INPP4B: variants seen among roughly 807,000 people sequenced by gnomAD.
INPP4B encodes the protein inositol polyphosphate 4-phosphatase type II.
In INPP4B, 55 loss-of-function variants were observed where a neutral mutation model predicts 122.5. That is an observed-to-expected ratio of 0.45 (90% CI 0.36 to 0.56). The LOEUF is 0.56. Ranked by LOEUF, INPP4B falls within the 20% of genes least tolerant of loss-of-function variation. The pLI is 0.00. For missense variants in INPP4B, 1,000 were observed against 1,097.7 expected (o/e 0.91, Z 1.26); for synonymous variants, 403 against 388.7 (o/e 1.04, Z -0.43).
chr4:142,295,604 T>C (rs1474237511), intron 9 of INPP4B, among the ~76,000 whole-genome samples: 1 of 152,214 alleles, frequency 6.6e-6, no homozygotes, highest in East Asian at 1.9e-4. Context: ...AAGTATTCCA[T>C]GATGAAAGCT....
At chr4:142,172,417 C>A (rs552304653) in intron 16 of INPP4B, among the ~76,000 whole-genome samples, 1 of 152,028 alleles carries the variant, frequency 6.6e-6, no homozygotes, top group East Asian at 1.9e-4. Context: ...AAGCCCCTTG[C>A]CCTATTTGAC....
intron 1 of INPP4B, among the ~76,000 whole-genome samples, chr4:142,790,372 AAAAC>A (rs1252563929): frequency 1.3e-5 from 2 of 152,174 alleles, no homozygotes; most frequent in Admixed American, 6.6e-5. Context: ...AGCAAGAAAA[AAAAC>A]AAACAATCCC....
At chr4:142,193,849 C>A (rs979774950) in intron 14 of INPP4B, among the ~76,000 whole-genome samples, 10 of 151,990 alleles carry the variant, frequency 6.6e-5, no homozygotes, top group African/African-American at 2.4e-4. Context: ...AAACTTAATC[C>A]TTTGATCTTG....
At chr4:142,616,265 T>C (rs1176887932) in intron 2 of INPP4B, among the ~76,000 whole-genome samples, 2 of 152,154 alleles carry the variant, frequency 1.3e-5, no homozygotes, top group East Asian at 3.9e-4. Flanking sequence ...CTTTCCCAGT[T>C]ATTTGATGAG....
intron 15 of INPP4B, among the ~76,000 whole-genome samples, chr4:142,189,463 GA>G (rs1343675303): frequency 2.6e-5 from 4 of 152,000 alleles, no homozygotes; most frequent in East Asian, 1.9e-4. Flanking sequence ...CGGCATACAA[GA>G]AAAAAACCTA....
At chr4:142,826,498 A>G (rs984920122) in intron 1 of INPP4B, among the ~76,000 whole-genome samples, 1 of 116,010 alleles carries the variant, frequency 8.6e-6, no homozygotes, top group African/African-American at 3.9e-5. Context: ...TCATAAAATC[A>G]CACACACACA....
intron 15 of INPP4B, among the ~76,000 whole-genome samples, chr4:142,188,205 TGGTC>T (rs1235344574): frequency 6.6e-6 from 1 of 151,920 alleles, no homozygotes. Context: ...ATATATGGCT[TGGTC>T]GGGCACATTG....
At chr4:142,357,907 T>A (rs1179082697) in intron 7 of INPP4B, among the ~76,000 whole-genome samples, 1 of 152,032 alleles carries the variant, frequency 6.6e-6, no homozygotes, top group Non-Finnish European at 1.5e-5. Flanking sequence ...ACAGTTGATA[T>A]TTTTTGAATT....
At chr4:142,166,542 G>A (rs955771916) in intron 16 of INPP4B, among the ~76,000 whole-genome samples, 1 of 151,758 alleles carries the variant, frequency 6.6e-6, no homozygotes, top group Admixed American at 6.6e-5. Context: ...TAACAAATGG[G>A]ATCTAATTAT....
chr4:142,591,740 T>C (rs1737550668), intron 2 of INPP4B, among the ~76,000 whole-genome samples: 1 of 152,216 alleles, frequency 6.6e-6, no homozygotes, highest in South Asian at 2.1e-4. Context: ...CTCGATATGA[T>C]GTTGATGAGA....
chr4:142,311,959 C>T (rs1765662436), intron 8 of INPP4B, among the ~76,000 whole-genome samples: 1 of 151,994 alleles, frequency 6.6e-6, no homozygotes, highest in Non-Finnish European at 1.5e-5. Flanking sequence ...TAGCTGAAGC[C>T]CTGGACAATT....
intron 2 of INPP4B, among the ~76,000 whole-genome samples, chr4:142,514,829 T>C (rs1825211069): frequency 7.5e-6 from 1 of 133,810 alleles, no homozygotes. Flanking sequence ...GAAGTCTCAC[T>C]CTGTCACCCA....
At chr4:142,240,633 A>G (rs1328669446) in intron 11 of INPP4B, among the ~76,000 whole-genome samples, 1 of 152,176 alleles carries the variant, frequency 6.6e-6, no homozygotes, top group Admixed American at 6.5e-5. Flanking sequence ...AAACATTAGT[A>G]CTAAATTGCG....
At chr4:142,315,010 G>C (rs1579707339) in intron 7 of INPP4B, among the ~76,000 whole-genome samples, 1 of 152,140 alleles carries the variant, frequency 6.6e-6, no homozygotes, top group Non-Finnish European at 1.5e-5. Flanking sequence ...ATATATCCAG[G>C]ATTTAGGCAG....
chr4:142,545,117 G>A (rs1329793255), intron 2 of INPP4B, among the ~76,000 whole-genome samples: 1 of 152,118 alleles, frequency 6.6e-6, no homozygotes, highest in Non-Finnish European at 1.5e-5. Context: ...ATGTATCTGT[G>A]TTAATGTTCC....
chr4:142,709,943 C>T (rs529042180), intron 2 of INPP4B, among the ~76,000 whole-genome samples: 28 of 152,248 alleles, frequency 1.8e-4, no homozygotes, highest in African/African-American at 5.5e-4. Flanking sequence ...TTTCTATTGG[C>T]GTACGCAAGT....
intron 19 of INPP4B, among the ~76,000 whole-genome samples, 161 bp downstream of exon 19, chr4:142,124,427 T>C (rs1359834281): frequency 6.6e-6 from 1 of 152,180 alleles, no homozygotes; most frequent in Non-Finnish European, 1.5e-5. Flanking sequence ...TTGCTTAGGA[T>C]ATTCAGCTGA....
At chr4:142,290,771 G>A (rs1344441546) in intron 9 of INPP4B, among the ~76,000 whole-genome samples, 5 of 152,142 alleles carry the variant, frequency 3.3e-5, no homozygotes, top group Non-Finnish European at 5.9e-5. Flanking sequence ...GCTGGCCATA[G>A]ATGGGGGACG....
At chr4:142,683,052 GA>G in intron 2 of INPP4B, among the ~76,000 whole-genome samples, 1 of 151,860 alleles carries the variant, frequency 6.6e-6, no homozygotes, top group Non-Finnish European at 1.5e-5. Flanking sequence ...TAGCTCAGCT[GA>G]AGCTTGTCTT....
Sources: allele counts gnomAD v4.1 joint callset (sites outside exome capture counted in the v4.1 genomes callset), GRCh38; gene constraint gnomAD v4.1.1; transcripts MANE v1.5; gene names NCBI Gene and HGNC (gene_info 2026-07-23, HGNC 2026-07-21).